The following B3GALT1 variants were observed in gnomAD, a reference collection of about 807,000 sequenced individuals.
The protein encoded by B3GALT1 is beta-1,3-galactosyltransferase 1, also known as UDP-Gal:betaGlcNAc beta 1,3-galactosyltransferase, polypeptide 1.
B3GALT1 carries 10 observed loss-of-function variants against 23.2 expected under a neutral mutation model. That is an observed-to-expected ratio of 0.43 (90% CI 0.27 to 0.73). B3GALT1 has a LOEUF of 0.73. B3GALT1 is among the 30% of genes least tolerant of loss of function. The pLI is 0.21. For missense variants in B3GALT1, 299 were observed against 405.4 expected (o/e 0.74, Z 2.25); for synonymous variants, 156 against 141.5 (o/e 1.10, Z -0.73).
chr2:167,536,414 G>T (rs1048307997), intron 2 of B3GALT1, among the ~76,000 whole-genome samples: 3 of 152,110 alleles, frequency 2.0e-5, no homozygotes, highest in African/African-American at 4.8e-5. Context: ...GGCATTGGTG[G>T]TTACAAAAGA....
intron 2 of B3GALT1, among the ~76,000 whole-genome samples, chr2:167,626,327 G>A (rs534341672): frequency 6.6e-6 from 1 of 151,510 alleles, no homozygotes; most frequent in Non-Finnish European, 1.5e-5. Flanking sequence ...TTAAATATGT[G>A]TATCTTCTTT....
chr2:167,855,590 T>A (rs1228690916), intron 4 of B3GALT1, among the ~76,000 whole-genome samples: 1 of 152,230 alleles, frequency 6.6e-6, no homozygotes, highest in Non-Finnish European at 1.5e-5. Context: ...TTAACAAATC[T>A]TTAAAAATAT....
chr2:167,549,353 C>T (rs2105379502), intron 2 of B3GALT1, among the ~76,000 whole-genome samples: 1 of 152,254 alleles, frequency 6.6e-6, no homozygotes, highest in South Asian at 2.1e-4. Flanking sequence ...CAGAACCAAA[C>T]CCTGGCCTGC....
At chr2:167,429,235 C>T (rs940421132) in intron 1 of B3GALT1, among the ~76,000 whole-genome samples, 8 of 145,790 alleles carry the variant, frequency 5.5e-5, no homozygotes, top group African/African-American at 7.7e-5. Flanking sequence ...GAGCCGAGAT[C>T]GCGCCGCTGC....
chr2:167,551,438 G>GT (rs910435980), intron 2 of B3GALT1, among the ~76,000 whole-genome samples: 2 of 152,170 alleles, frequency 1.3e-5, no homozygotes, highest in African/African-American at 4.8e-5. Context: ...TAGGTACCCA[G>GT]TAGAGGACTC....
At chr2:167,560,966 T>C (rs892380291) in intron 2 of B3GALT1, among the ~76,000 whole-genome samples, 3 of 151,914 alleles carry the variant, frequency 2.0e-5, no homozygotes, top group African/African-American at 7.3e-5. Context: ...CTAATAGACA[T>C]CTACAGAACT....
chr2:167,545,982 A>C (rs1683630466), intron 2 of B3GALT1, among the ~76,000 whole-genome samples: 1 of 152,210 alleles, frequency 6.6e-6, no homozygotes, highest in Non-Finnish European at 1.5e-5. Flanking sequence ...GGCTGAAGGT[A>C]CTTTTATACA....
intron 1 of B3GALT1, among the ~76,000 whole-genome samples, chr2:167,313,339 A>G (rs1051575226): frequency 2.0e-5 from 3 of 152,144 alleles, no homozygotes; most frequent in African/African-American, 4.8e-5. Context: ...GTAAATAACT[A>G]AGTGTTGATT....
At chr2:167,736,777 A>G (rs1687498574) in intron 3 of B3GALT1, among the ~76,000 whole-genome samples, 2 of 152,110 alleles carry the variant, frequency 1.3e-5, no homozygotes, top group African/African-American at 2.4e-5. Flanking sequence ...GTATATACAC[A>G]TGAAAAAGTA....
chr2:167,558,574 G>A (rs1683898493), intron 2 of B3GALT1, among the ~76,000 whole-genome samples: 1 of 152,160 alleles, frequency 6.6e-6, no homozygotes, highest in South Asian at 2.1e-4. Flanking sequence ...GGTGACAGAT[G>A]GCACCTGGAA....
intron 1 of B3GALT1, among the ~76,000 whole-genome samples, chr2:167,482,446 A>G (rs1314396711): frequency 1.3e-5 from 2 of 152,200 alleles, no homozygotes; most frequent in African/African-American, 2.4e-5. Flanking sequence ...TAACTTAGAC[A>G]CTACATTTTC....
intron 3 of B3GALT1, among the ~76,000 whole-genome samples, chr2:167,737,687 C>G (rs1266456090): frequency 6.6e-6 from 1 of 152,220 alleles, no homozygotes; most frequent in African/African-American, 2.4e-5. Flanking sequence ...ATGGAGGGAA[C>G]TGTAAGAGAC....
At chr2:167,476,470 A>C (rs1699487884) in intron 1 of B3GALT1, among the ~76,000 whole-genome samples, 1 of 152,190 alleles carries the variant, frequency 6.6e-6, no homozygotes, top group Non-Finnish European at 1.5e-5. Context: ...AAAACTTTTA[A>C]AAAGCAGCTG....
At chr2:167,379,593 G>A (rs1697815558) in intron 1 of B3GALT1, among the ~76,000 whole-genome samples, 1 of 152,176 alleles carries the variant, frequency 6.6e-6, no homozygotes, top group African/African-American at 2.4e-5. Flanking sequence ...AAAGGTAAGA[G>A]TTGGCTACAG....
chr2:167,664,498 G>A (rs1475289864), intron 3 of B3GALT1, among the ~76,000 whole-genome samples: 3 of 152,138 alleles, frequency 2.0e-5, no homozygotes, highest in Admixed American at 2.0e-4. Context: ...ATTCTGTGAA[G>A]AAAGTCATTG....
At chr2:167,638,590 A>T (rs1364109210) in intron 2 of B3GALT1, among the ~76,000 whole-genome samples, 1 of 152,012 alleles carries the variant, frequency 6.6e-6, no homozygotes, top group Non-Finnish European at 1.5e-5. Context: ...AGAATAGGAA[A>T]TTTTACCCAA....
chr2:167,683,436 C>A (rs1014564638), intron 3 of B3GALT1, among the ~76,000 whole-genome samples: 1 of 152,168 alleles, frequency 6.6e-6, no homozygotes, highest in Non-Finnish European at 1.5e-5. Flanking sequence ...CCAGATAAAA[C>A]ACATCCAAGG....
intron 1 of B3GALT1, among the ~76,000 whole-genome samples, chr2:167,454,883 C>A (rs1026920000): frequency 6.6e-6 from 1 of 152,090 alleles, no homozygotes; most frequent in African/African-American, 2.4e-5. Flanking sequence ...ACTTTCCAGC[C>A]AATGTTTGGG....
chr2:167,670,903 A>G (rs944301578), intron 3 of B3GALT1, among the ~76,000 whole-genome samples: 2 of 152,184 alleles, frequency 1.3e-5, no homozygotes, highest in East Asian at 1.9e-4. Flanking sequence ...TTAGGACACC[A>G]TGAAGCAAAC....
Sources: allele counts gnomAD v4.1 joint callset (sites outside exome capture counted in the v4.1 genomes callset), GRCh38; gene constraint gnomAD v4.1.1; transcripts MANE v1.5; gene names NCBI Gene and HGNC (gene_info 2026-07-23, HGNC 2026-07-21).